The following ENTREP2 variants were observed in gnomAD, a reference collection of about 807,000 sequenced individuals.
ENTREP2 encodes the protein endosomal transmembrane epsin interactor 2, also known as protein ENTREP2.
At chr15:29,326,202 A>T in the ENTREP2 span, among the ~76,000 whole-genome samples, 1 of 152,316 alleles carries the variant, frequency 6.6e-6, no homozygotes, top group Middle Eastern at 3.4e-3. Flanking sequence ...CTTCTGTTCA[A>T]CATCATATTA....
the ENTREP2 span, among the ~76,000 whole-genome samples, chr15:29,641,190 T>C: frequency 8.5e-5 from 13 of 152,318 alleles, no homozygotes; most frequent in East Asian, 2.3e-3. Flanking sequence ...ATAAAAAGCA[T>C]CTATGAAAAA....
At chr15:29,291,409 C>A in the ENTREP2 span, among the ~76,000 whole-genome samples, 2 of 152,144 alleles carry the variant, frequency 1.3e-5, no homozygotes, top group Non-Finnish European at 2.9e-5. Flanking sequence ...CAAAGCTGCA[C>A]AGGCTCCATT....
the ENTREP2 span, among the ~76,000 whole-genome samples, chr15:29,476,966 G>A: frequency 2.0e-5 from 3 of 152,126 alleles, no homozygotes; most frequent in Non-Finnish European, 2.9e-5. Context: ...GGCCACGTAC[G>A]AGAATGTGTC....
At chr15:29,557,406 T>A in the ENTREP2 span, among the ~76,000 whole-genome samples, 3 of 152,122 alleles carry the variant, frequency 2.0e-5, no homozygotes, top group African/African-American at 7.2e-5. Flanking sequence ...AGCTCCACAG[T>A]TGAGGATCCC....
chr15:29,149,086 AG>A, the ENTREP2 span, among the ~76,000 whole-genome samples: 1 of 152,122 alleles, frequency 6.6e-6, no homozygotes, highest in Non-Finnish European at 1.5e-5. Flanking sequence ...CATGTTGACC[AG>A]GGTGGTCTTG....
the ENTREP2 span, chr15:29,120,244 GAC>G: frequency 4.6e-5 from 7 of 152,224 alleles, no homozygotes; most frequent in African/African-American, 4.8e-5. Flanking sequence ...AGACCTCAGA[GAC>G]ACAGAGGCCA....
At chr15:29,479,666 T>C in the ENTREP2 span, among the ~76,000 whole-genome samples, 50 of 131,694 alleles carry the variant, frequency 3.8e-4, no homozygotes, top group Middle Eastern at 7.3e-3. Context: ...CACACACACA[T>C]ACACACACAC....
At chr15:29,360,371 A>G in the ENTREP2 span, among the ~76,000 whole-genome samples, 40 of 152,270 alleles carry the variant, frequency 2.6e-4, no homozygotes, top group Admixed American at 6.5e-4. Flanking sequence ...CCCAGGGCAA[A>G]GGAAGTCCAT....
the ENTREP2 span, among the ~76,000 whole-genome samples, chr15:29,455,146 C>T: frequency 2.6e-5 from 4 of 152,184 alleles, no homozygotes; most frequent in African/African-American, 9.7e-5. Flanking sequence ...AGAAGCCCAG[C>T]CTGCTGGGGG....
At chr15:29,379,448 T>A in the ENTREP2 span, among the ~76,000 whole-genome samples, 58 of 152,314 alleles carry the variant, frequency 3.8e-4, no homozygotes, top group East Asian at 0.01. Context: ...TCAAGCCACA[T>A]GAACCCCTTC....
chr15:29,671,572 G>A, the ENTREP2 span, among the ~76,000 whole-genome samples: 1 of 152,192 alleles, frequency 6.6e-6, no homozygotes, highest in Non-Finnish European at 1.5e-5. Flanking sequence ...CACATTTGGT[G>A]TGAGAAGTGT....
chr15:29,309,659 G>GA, the ENTREP2 span, among the ~76,000 whole-genome samples: 1 of 42,620 alleles, frequency 2.3e-5, no homozygotes, highest in African/African-American at 7.0e-4. Flanking sequence ...GTGTGGTGCT[G>GA]GCATCTGTAA....
At chr15:29,585,718 C>T in the ENTREP2 span, among the ~76,000 whole-genome samples, 20 of 151,992 alleles carry the variant, frequency 1.3e-4, 1 homozygote, top group African/African-American at 2.9e-4. Context: ...TAGCCGGGCG[C>T]GGTGGCGGGC....
At chr15:29,198,672 G>A in the ENTREP2 span, among the ~76,000 whole-genome samples, 3 of 152,180 alleles carry the variant, frequency 2.0e-5, no homozygotes, top group Non-Finnish European at 2.9e-5. Context: ...AGCACCCACC[G>A]GCCCATGGCC....
At chr15:29,507,052 C>T in the ENTREP2 span, among the ~76,000 whole-genome samples, 11 of 151,360 alleles carry the variant, frequency 7.3e-5, no homozygotes, top group South Asian at 4.2e-4. Flanking sequence ...AATAAAGGGA[C>T]GGAGGAAGAT....
chr15:29,652,090 C>A, the ENTREP2 span, among the ~76,000 whole-genome samples: 1 of 152,194 alleles, frequency 6.6e-6, no homozygotes, highest in African/African-American at 2.4e-5. Flanking sequence ...AAGCCCCAGG[C>A]TCAGCCAGAG....
At chr15:29,470,540 G>A in the ENTREP2 span, among the ~76,000 whole-genome samples, 1 of 152,298 alleles carries the variant, frequency 6.6e-6, no homozygotes, top group East Asian at 1.9e-4. Context: ...CGCGGCTGCC[G>A]CTACTAATCA....
At chr15:29,674,002 G>C in the ENTREP2 span, among the ~76,000 whole-genome samples, 1 of 152,186 alleles carries the variant, frequency 6.6e-6, no homozygotes, top group Non-Finnish European at 1.5e-5. Flanking sequence ...AGAAACCAGA[G>C]TGTGTGGTCC....
chr15:29,665,596 G>A, the ENTREP2 span, among the ~76,000 whole-genome samples: 8 of 152,192 alleles, frequency 5.3e-5, no homozygotes, highest in South Asian at 2.1e-4. Context: ...GGAGAGCTGC[G>A]CTGACTCTGA....
Sources: allele counts gnomAD v4.1 joint callset (sites outside exome capture counted in the v4.1 genomes callset), GRCh38; gene constraint gnomAD v4.1.1; transcripts MANE v1.5; gene names NCBI Gene and HGNC (gene_info 2026-07-23, HGNC 2026-07-21).